Variants in HERC1 observed in about 807,000 individuals in gnomAD.
HERC1 encodes probable E3 ubiquitin-protein ligase HERC1.
HERC1 carries 160 observed loss-of-function variants against 554.3 expected under a neutral mutation model. The observed-to-expected ratio is 0.29, with a 90% confidence interval of 0.25 to 0.33. The LOEUF (loss-of-function observed/expected upper bound fraction) is 0.33. Ranked by LOEUF, HERC1 falls within the 10% of genes least tolerant of loss-of-function variation. The probability of loss-of-function intolerance (pLI) is 1.00; values close to 1 mark genes in which losing one functional copy is unlikely to be tolerated. For synonymous variants in HERC1, 2,175 were observed against 2,131.7 expected (o/e 1.02, Z -0.56); for missense variants, 4,919 against 5,918.5 (o/e 0.83, Z 5.54).
intron 39 of HERC1, among the ~76,000 whole-genome samples, chr15:63,671,567 C>G (rs757233265): frequency 6.6e-6 from 1 of 152,078 alleles, no homozygotes; most frequent in Non-Finnish European, 1.5e-5. Context: ...TCAAAGTGTA[C>G]GCTGAAGCCA....
At chr15:63,829,539 ATGTATGTGTG>A (rs1256657356) in intron 1 of HERC1, among the ~76,000 whole-genome samples, 1,497 of 64,536 alleles carry the variant, frequency 0.023, 25 homozygotes, top group South Asian at 0.042. Flanking sequence ...GTGCACATAT[ATGTATGTGTG>A]TGTGTGTGTG....
chr15:63,679,797 CAGTGAATTAGATTATCCCTAAACT>C (rs944711558), intron 36 of HERC1, among the ~76,000 whole-genome samples: 6 of 152,110 alleles, frequency 3.9e-5, no homozygotes, highest in African/African-American at 1.4e-4. Flanking sequence ...CCATAATTGC[CAGTGAATTAGATTATCCCTAAACT>C]AGGTCTTGTA....
chr15:63,800,204 T>C (rs1310488300), intron 1 of HERC1, among the ~76,000 whole-genome samples: 1 of 152,136 alleles, frequency 6.6e-6, no homozygotes, highest in African/African-American at 2.4e-5. Context: ...TTTGTTAATA[T>C]TTTTCTGTAA....
At chr15:63,643,666 A>G (rs2069178982) in intron 57 of HERC1, 116 bp from the exon 58 acceptor site, 1 of 679,160 alleles carries the variant, frequency 1.5e-6, no homozygotes. Context: ...AGGGGGAGAG[A>G]TAATTTCTCT....
intron 77 of HERC1, among the ~76,000 whole-genome samples, chr15:63,611,524 T>G (rs768576127): frequency 1.3e-5 from 2 of 152,150 alleles, no homozygotes; most frequent in Non-Finnish European, 2.9e-5. Flanking sequence ...ACAACACAAG[T>G]GGGCACAGAG....
Position 63,678,036 on chromosome 15 carries a change from C to A in HERC1, c.6879G>T (p.Glu2293Asp). 1 of 1,614,022 alleles carries A rather than the reference C, an allele frequency of 6.2e-7. No homozygotes were observed. The highest frequency in any genetic ancestry group is 8.5e-7 in the Non-Finnish European group (1 of 1,179,892). Residue 2293 changes from glutamate (E) to aspartate (D), a missense_variant, in exon 37 of 78, where the codon GAG becomes GAT. This residue lies in a region of HERC1 where 1,963 missense variants were observed against 2,228.6 expected (regional missense o/e 0.88). Transcript: ENST00000443617. ...CTATGCAAAGAGTCCTCAGCTGCAG[C>A]TCTGAGAGGTCAGCGAGGCCATGCC... Reference protein sequence around the residue: ...HTRHGLADLSELQLRTLCIEV... With the variant: ...HTRHGLADLSDLQLRTLCIEV...
Position 63,733,118 on chromosome 15 carries a change from T to G in HERC1, c.2674A>C (p.Ser892Arg), listed in dbSNP as rs2074363862. 1.2e-6 allele frequency: 2 copies of G among 1,613,378 alleles called. No individual in the cohort carries two copies. The stretch of plus-strand genomic sequence containing the variant: ...GCTACGTGGGTATGATCTTGCAAAC[T>G]TGTCAGGATGATATCCAGTTGCATT... ...QRMQLDIILT[S>R]LQDHTHVASL... The change falls in exon 14 of 78, where the codon AGT (serine) becomes CGT (arginine). Residue 892 changes from serine (S) to arginine (R), a missense_variant. Physicochemically the swap from Ser to Arg is moderately radical, Grantham distance 110. Transcript: ENST00000443617.
At chr15:63,757,520 G>C (rs1452708188) in intron 4 of HERC1, among the ~76,000 whole-genome samples, 1 of 151,876 alleles carries the variant, frequency 6.6e-6, no homozygotes, top group African/African-American at 2.4e-5. Flanking sequence ...ACCCGCCTTG[G>C]CCTCCCAAAG....
At chr15:63,713,174 C>G (rs952718129) in intron 23 of HERC1, among the ~76,000 whole-genome samples, 179 bp downstream of exon 23, 5 of 152,222 alleles carry the variant, frequency 3.3e-5, no homozygotes, top group African/African-American at 9.6e-5. Flanking sequence ...AATTTATAGC[C>G]CATGCTGAAT....
intron 69 of HERC1, 52 bp downstream of exon 69, chr15:63,630,414 C>T (rs975473654): frequency 1.9e-6 from 3 of 1,550,320 alleles, no homozygotes; most frequent in Non-Finnish European, 1.8e-6. Flanking sequence ...AACTGAGGAA[C>T]ACTGTGAGAT....
At position 63,637,611 on chromosome 15, in the gene HERC1, G is replaced by A. The variant is rs368460721; in HGVS notation, c.12126C>T (p.Ile4042=). The part of the protein sequence containing the change: ...VICGQNCTFV[I]QANGTVLACG... ...AAGCCAACACTGTGCCATTGGCCTG[G>A]ATGACAAAGGTACAATTCTGACCAC... Residue 4042 remains isoleucine (I), a synonymous_variant, in exon 64 of 78, where the codon ATC becomes ATT. Coordinates refer to ENST00000443617, the MANE Select transcript of HERC1 (RefSeq NM_003922.4). 1 of 1,552,480 alleles carries A rather than the reference G, an allele frequency of 6.4e-7. No homozygotes were observed. The highest frequency in any genetic ancestry group is 8.7e-7 in the Non-Finnish European group (1 of 1,147,112).
chr15:63,679,085 T>C (rs990673205), intron 36 of HERC1, among the ~76,000 whole-genome samples: 2 of 152,232 alleles, frequency 1.3e-5, no homozygotes, highest in African/African-American at 4.8e-5. Context: ...GCCTTCTAGA[T>C]AGAATAAATT....
At chr15:63,657,831 T>A (rs550619712) in intron 48 of HERC1, among the ~76,000 whole-genome samples, 1 of 150,740 alleles carries the variant, frequency 6.6e-6, no homozygotes, top group Non-Finnish European at 1.5e-5. Flanking sequence ...GGACCAAGGC[T>A]TTTTTTTTCT....
rs2075494111 is a variant in HERC1 at position 63,758,146 on chromosome 15, C to T, written c.1221+29G>A. On this transcript the variant is annotated intron_variant, in intron 4 of 77. Coordinates refer to ENST00000443617, the MANE Select transcript of HERC1 (RefSeq NM_003922.4). The surrounding 1 kb of genome is among the most constrained non-coding windows in gnomAD (Gnocchi z 4.0). ...GCATGAATATACACCAGATTATCTA[C>T]CAGTTTGTAAGCTATTTAGAAAACT... is the stretch of plus-strand genomic sequence containing the variant. 1.3e-6 allele frequency: 2 copies of T among 1,513,404 alleles called. No individual in the cohort carries two copies. The highest frequency in any genetic ancestry group is 1.4e-5 in the African/African-American group (1 of 72,980). 93.7% of individuals were successfully genotyped at this position (1,513,404 alleles called of 1,614,324 possible). A position where few individuals can be genotyped will look rare whatever the true frequency, so the allele number is the denominator to read the frequency against.
At chr15:63,704,315 T>C (rs2072887852) in intron 25 of HERC1, among the ~76,000 whole-genome samples, 1 of 152,218 alleles carries the variant, frequency 6.6e-6, no homozygotes, top group Non-Finnish European at 1.5e-5. Flanking sequence ...TTCTACTTTC[T>C]TTTATTCCAA....
intron 1 of HERC1, among the ~76,000 whole-genome samples, chr15:63,805,101 C>T (rs2077098355): frequency 6.6e-6 from 1 of 152,128 alleles, no homozygotes; most frequent in African/African-American, 2.4e-5. Context: ...AATGAGAATA[C>T]ATGATTACAT....
chr15:63,663,395 T>C (rs1485371977), intron 43 of HERC1, among the ~76,000 whole-genome samples, 191 bp from the exon 44 acceptor site: 1 of 152,188 alleles, frequency 6.6e-6, no homozygotes, highest in Non-Finnish European at 1.5e-5. Context: ...ATAATAGCAC[T>C]CATATCTCAC....
chr15:63,679,449 T>C lies in HERC1; in HGVS notation c.6549+628A>G, dbSNP rs150975911. 3.2e-4 allele frequency among the ~76,000 whole-genome samples: 49 copies of C among 152,320 alleles called. No individual in the cohort carries two copies. The East Asian group carries it at 9.2e-3, about 29-fold the overall frequency. On this transcript the variant is annotated intron_variant, in intron 36 of 77. Coordinates refer to ENST00000443617, the MANE Select transcript of HERC1 (RefSeq NM_003922.4). The stretch of plus-strand genomic sequence containing the variant: ...ATACATGATAAAACCTGAAAGCTTC[T>C]ACTACATAATGGCTAGAAATTCTTG...
At chr15:63,611,791 CTTGA>C (rs1425752711) in intron 77 of HERC1, among the ~76,000 whole-genome samples, 3 of 152,158 alleles carry the variant, frequency 2.0e-5, no homozygotes, top group Non-Finnish European at 4.4e-5. Flanking sequence ...AATTTTACTG[CTTGA>C]TTTTTTTCAT....
Sources: gnomAD v4.1 joint callset for allele counts (sites outside exome capture counted in the v4.1 genomes callset) on GRCh38, gnomAD v4.1.1 for gene constraint, gnomAD v4.1.1 regional missense constraint, Gnocchi (gnomAD v3.1) non-coding constraint, MANE v1.5 for transcripts, NCBI Gene and HGNC (gene_info 2026-07-23, HGNC 2026-07-21) for gene names.